Variants in HSPA12A observed in about 807,000 individuals in gnomAD.
HSPA12A encodes the protein heat shock protein family A (Hsp70) member 12A, also known as heat shock 70 kDa protein 12A.
A neutral mutation model predicts 69.2 loss-of-function variants in HSPA12A; 28 were observed. That is an observed-to-expected ratio of 0.40 (90% CI 0.30 to 0.55). HSPA12A has a LOEUF of 0.55. Ranked by LOEUF, HSPA12A falls within the 20% of genes least tolerant of loss-of-function variation. The pLI, the probability that HSPA12A is intolerant of heterozygous loss-of-function variation, is 0.38. For missense variants in HSPA12A, 686 were observed against 900.7 expected, an observed-to-expected ratio of 0.76 and a Z score of 3.05; for synonymous variants, 345 against 370.5, an observed-to-expected ratio of 0.93 and a Z score of 0.79.
intron 2 of HSPA12A, among the ~76,000 whole-genome samples, chr10:116,766,693 T>A (rs1844084022): frequency 6.6e-6 from 1 of 152,214 alleles, no homozygotes; most frequent in Admixed American, 6.5e-5. Flanking sequence ...CTCATGGGAA[T>A]CCCATTCTTT....
At chr10:116,698,424 T>C (rs1297392781) in intron 5 of HSPA12A, 2 of 428,304 alleles carry the variant, frequency 4.7e-6, no homozygotes, top group Admixed American at 3.7e-5. Context: ...TTTTAGGAAT[T>C]GCCAAACTGT....
chr10:116,769,985 T>C (rs1844164818), intron 2 of HSPA12A, among the ~76,000 whole-genome samples: 1 of 152,220 alleles, frequency 6.6e-6, no homozygotes, highest in African/African-American at 2.4e-5. Flanking sequence ...CAAGAAGCGA[T>C]GACGCCACAG....
chr10:116,799,878 G>A (rs1404789268), intron 2 of HSPA12A, among the ~76,000 whole-genome samples: 1 of 152,142 alleles, frequency 6.6e-6, no homozygotes, highest in Non-Finnish European at 1.5e-5. Flanking sequence ...TCCAGATGCT[G>A]GTAATAATAC....
intron 1 of HSPA12A, among the ~76,000 whole-genome samples, chr10:116,737,515 A>C (rs1851351271): frequency 6.6e-6 from 1 of 152,244 alleles, no homozygotes; most frequent in Non-Finnish European, 1.5e-5. Flanking sequence ...GACAAAGATA[A>C]GGAGCGCAAC....
At chr10:116,791,738 C>A (rs1307419790) in intron 2 of HSPA12A, among the ~76,000 whole-genome samples, 1 of 152,098 alleles carries the variant, frequency 6.6e-6, no homozygotes, top group African/African-American at 2.4e-5. Flanking sequence ...AGGTTGGCAT[C>A]TCCTATTCAC....
At chr10:116,766,478 G>A (rs986702591) in intron 2 of HSPA12A, among the ~76,000 whole-genome samples, 2 of 152,082 alleles carry the variant, frequency 1.3e-5, no homozygotes, top group Admixed American at 1.3e-4. Context: ...CCAACTTAAC[G>A]TCCTGTAAGA....
At chr10:116,705,061 G>C (rs1490040469) in intron 3 of HSPA12A, 90 bp downstream of exon 3, 2 of 1,510,396 alleles carry the variant, frequency 1.3e-6, no homozygotes, top group Non-Finnish European at 1.8e-6. Context: ...GGCCGTCTTC[G>C]TAAGTGCCAA....
At chr10:116,747,006 A>C (rs192546633), upstream of HSPA12A, among the ~76,000 whole-genome samples, 1 of 152,348 alleles carries the variant, frequency 6.6e-6, no homozygotes, top group Non-Finnish European at 1.5e-5. Context: ...TGCTAAAGCA[A>C]CATAAAAACT....
At chr10:116,719,720 C>T (rs735412) in intron 1 of HSPA12A, among the ~76,000 whole-genome samples, 121,625 of 152,164 alleles carry the variant, frequency 0.8, 50,623 homozygotes, top group Non-Finnish European at 0.92. Flanking sequence ...CCTATTATTA[C>T]TTAGATGGCA....
chr10:116,683,676 A>C (rs1397176813), intron 7 of HSPA12A, 115 bp downstream of exon 7: 8 of 1,094,586 alleles, frequency 7.3e-6, no homozygotes, highest in Admixed American at 5.3e-5. Context: ...CTCCTCCCGG[A>C]GTATCCTGAT....
rs372765579 is a variant in HSPA12A at position 116,709,512 on chromosome 10, T to C, written c.41-2227A>G. ...GGTATATCCATACAACAGAATAGTA[T>C]TTCATTGTAAAAAGGAAGAACATTC... On this transcript the variant is annotated intron_variant, in intron 1 of 11. Transcript: ENST00000369209. Among the ~76,000 whole-genome samples, 16 of 151,806 alleles carry C rather than the reference T, an allele frequency of 1.1e-4. No homozygotes were observed. In the East Asian group the frequency reaches 1.4e-3, roughly 13 times the overall value.
intron 2 of HSPA12A, among the ~76,000 whole-genome samples, chr10:116,807,017 G>C (rs113702584): frequency 2.0e-5 from 3 of 152,362 alleles, no homozygotes; most frequent in African/African-American, 7.2e-5. Context: ...GAAGACAGAG[G>C]TGGAGACTGG....
chr10:116,703,213 A>C (rs868932876), intron 3 of HSPA12A, among the ~76,000 whole-genome samples: 5 of 152,192 alleles, frequency 3.3e-5, no homozygotes, highest in Non-Finnish European at 5.9e-5. Flanking sequence ...TCATTTCCTG[A>C]TGACATGACA....
At chr10:116,796,965 C>A (rs1844840453) in intron 2 of HSPA12A, among the ~76,000 whole-genome samples, 1 of 152,170 alleles carries the variant, frequency 6.6e-6, no homozygotes, top group African/African-American at 2.4e-5. Context: ...TCCATTGCAA[C>A]GTTTTTATTT....
intron 1 of HSPA12A, 112 bp downstream of exon 1, chr10:116,742,318 G>A (rs1851538700): frequency 2.6e-6 from 3 of 1,142,020 alleles, no homozygotes; most frequent in Non-Finnish European, 2.3e-6. Context: ...ATGCAGCGCG[G>A]GCGTCCCCAC....
chr10:116,675,259 C>A lies in HSPA12A; in HGVS notation c.1550G>T (p.Gly517Val). The A allele has an allele frequency of 1.2e-6, 2 of 1,613,658 alleles. No individual in the cohort carries two copies. Among genetic ancestry groups the A allele is most frequent in the South Asian group, 1.1e-5 (1 of 91,072 alleles). ...PQDVGLTILK[G>V]AVLFGLDPAV... ...GGGGTCCAGGCCAAAGAGGACGGCA[C>A]CCTTGAGGATGGTGAGGCCCACGTC... The change falls in exon 12 of 12, where the codon GGT becomes GTT. Residue 517 changes from glycine (G) to valine (V), a missense_variant. By Grantham distance (109) the Gly-to-Val change is moderately radical. Coordinates refer to ENST00000369209, the MANE Select transcript of HSPA12A (RefSeq NM_025015.3). This position sits in a 1 kb window ranked among gnomAD's most constrained non-coding sequence, Gnocchi z 5.2.
intron 6 of HSPA12A, among the ~76,000 whole-genome samples, chr10:116,685,083 C>T (rs1372995048): frequency 1.3e-5 from 2 of 152,302 alleles, no homozygotes; most frequent in Middle Eastern, 3.4e-3. Context: ...CTGCCACTGC[C>T]GTGGTGCTGA....
chr10:116,765,898 C>T (rs1554889721), intron 2 of HSPA12A, among the ~76,000 whole-genome samples: 1 of 152,204 alleles, frequency 6.6e-6, no homozygotes, highest in Non-Finnish European at 1.5e-5. Context: ...TGCTGTTCTG[C>T]ACCTTGGTTT....
chr10:116,780,044 T>C (rs74710821), intron 2 of HSPA12A, among the ~76,000 whole-genome samples: 19 of 152,286 alleles, frequency 1.2e-4, no homozygotes, highest in Non-Finnish European at 1.9e-4. Flanking sequence ...AGCAAGCTGT[T>C]TGGGCACTGC....
Sources: gnomAD v4.1 joint callset for allele counts (sites outside exome capture counted in the v4.1 genomes callset) on GRCh38, gnomAD v4.1.1 for gene constraint, Gnocchi (gnomAD v3.1) non-coding constraint, MANE v1.5 for transcripts, NCBI Gene and HGNC (gene_info 2026-07-23, HGNC 2026-07-21) for gene names.